TIAM1: variants seen among roughly 807,000 people sequenced by gnomAD.
The protein encoded by TIAM1 is rho guanine nucleotide exchange factor TIAM1.
A neutral mutation model predicts 163.5 loss-of-function variants in TIAM1; 65 were observed. The observed-to-expected ratio is 0.40, with a 90% CI of 0.33 to 0.49. The LOEUF is 0.49. TIAM1 is among the 20% of genes least tolerant of loss of function. The pLI, the probability that TIAM1 is intolerant of heterozygous loss-of-function variation, is 0.77. For missense variants in TIAM1, 1,789 were observed against 2,044.7 expected (o/e 0.87, Z 2.41); for synonymous variants, 833 against 810.1 (o/e 1.03, Z -0.48).
chr21:31,229,951 C>G (rs959269864), intron 6 of TIAM1, among the ~76,000 whole-genome samples: 1 of 152,180 alleles, frequency 6.6e-6, no homozygotes, highest in Non-Finnish European at 1.5e-5. Context: ...CCGCGCCCGG[C>G]CATCTTCACC....
intron 10 of TIAM1, among the ~76,000 whole-genome samples, chr21:31,210,729 G>GAA (rs1184745854): frequency 4.4e-5 from 4 of 90,870 alleles, no homozygotes; most frequent in African/African-American, 2.7e-4. Context: ...AAGAAAGAAA[G>GAA]AGAAAGAAGG....
intron 2 of TIAM1, among the ~76,000 whole-genome samples, chr21:31,408,517 T>G (rs941114560): frequency 3.9e-5 from 6 of 152,170 alleles, no homozygotes; most frequent in African/African-American, 1.4e-4. Context: ...CTGTTTATAG[T>G]GAATAAATTC....
intron 16 of TIAM1, 114 bp from the exon 17 acceptor site, chr21:31,154,540 T>C (rs1375066578): frequency 9.4e-7 from 1 of 1,065,002 alleles, no homozygotes. Context: ...CACATATGAA[T>C]GTCGTCTTGT....
rs144592545 is a variant in TIAM1 at position 31,376,611 on chromosome 21, C to T, written c.-368-37189G>A. On this transcript the variant is annotated intron_variant, in intron 2 of 28. Coordinates refer to the TIAM1 transcript ENST00000286827. ...CAGCAGAGGGAGGAGGAGATGCCCACTGAAAGGACTTGTGGGTGATGGAGG... is the reference window on the plus strand; with the variant it reads ...CAGCAGAGGGAGGAGGAGATGCCCATTGAAAGGACTTGTGGGTGATGGAGG... 1.6e-3 allele frequency among the ~76,000 whole-genome samples: 236 copies of T among 152,228 alleles called. 1 individual carries two copies. The highest frequency in any genetic ancestry group is 5.5e-3 in the African/African-American group (228 of 41,528).
At chr21:31,492,671 C>G (rs2046507463) in intron 1 of TIAM1, among the ~76,000 whole-genome samples, 1 of 152,060 alleles carries the variant, frequency 6.6e-6, no homozygotes, top group South Asian at 2.1e-4. Context: ...CCCCGACCAC[C>G]TTGGGCACAG....
At chr21:31,477,985 C>T (rs1417838733) in intron 1 of TIAM1, among the ~76,000 whole-genome samples, 1 of 152,182 alleles carries the variant, frequency 6.6e-6, no homozygotes, top group African/African-American at 2.4e-5. Flanking sequence ...TGAATTACCA[C>T]TGGGAGTACA....
At chr21:31,179,899 C>G (rs2084933777) in intron 15 of TIAM1, among the ~76,000 whole-genome samples, 1 of 148,080 alleles carries the variant, frequency 6.8e-6, no homozygotes, top group African/African-American at 2.5e-5. Context: ...TATACATACA[C>G]AGATTTTTTT....
chr21:31,426,692 T>G (rs1163742491), intron 2 of TIAM1, among the ~76,000 whole-genome samples: 1 of 151,472 alleles, frequency 6.6e-6, no homozygotes, highest in African/African-American at 2.4e-5. Flanking sequence ...CATAGCACGG[T>G]TTTTTTCAAC....
At chr21:31,440,467 C>A (rs562155338) in intron 2 of TIAM1, among the ~76,000 whole-genome samples, 2 of 152,130 alleles carry the variant, frequency 1.3e-5, no homozygotes, top group Admixed American at 6.5e-5. Flanking sequence ...AATTCTTGGC[C>A]TTTAAAAAAA....
chr21:31,368,335 A>C (rs1017773447), intron 2 of TIAM1, among the ~76,000 whole-genome samples: 1 of 151,904 alleles, frequency 6.6e-6, no homozygotes, highest in Non-Finnish European at 1.5e-5. Context: ...ACGCTTTCTT[A>C]ATAACCTTTT....
intron 1 of TIAM1, among the ~76,000 whole-genome samples, chr21:31,551,991 G>A (rs1371395110): frequency 2.0e-5 from 3 of 149,976 alleles, no homozygotes; most frequent in Non-Finnish European, 4.4e-5. Flanking sequence ...TACTTTTCAA[G>A]AGAAGCGCAT....
intron 2 of TIAM1, among the ~76,000 whole-genome samples, chr21:31,315,900 C>CCGGGAGGCGGACG (rs1364215708): frequency 6.6e-6 from 1 of 152,036 alleles, no homozygotes; most frequent in Non-Finnish European, 1.5e-5. Flanking sequence ...TCACTTGAAC[C>CCGGGAGGCGGACG]TGGGAGGCGG....
At chr21:31,292,053 G>A (rs1465008543) in intron 2 of TIAM1, among the ~76,000 whole-genome samples, 5 of 152,134 alleles carry the variant, frequency 3.3e-5, no homozygotes, top group Admixed American at 3.3e-4. Flanking sequence ...CTTAGGATCT[G>A]AGAGACCTGA....
At chr21:31,201,237 G>T (rs2086184735) in intron 12 of TIAM1, among the ~76,000 whole-genome samples, 1 of 152,136 alleles carries the variant, frequency 6.6e-6, no homozygotes, top group South Asian at 2.1e-4. Context: ...TAAGAAAAAA[G>T]GGTTTTCTTT....
In TIAM1 at chr21:31,120,512, A is replaced by G; in HGVS notation, c.4632T>C (p.Asp1544=). 6.2e-7 allele frequency: 1 copy of G among 1,614,148 alleles called. No homozygotes were observed. The highest frequency in any genetic ancestry group is 8.5e-7 in the Non-Finnish European group (1 of 1,180,032). Residue 1544 remains aspartate (D), a synonymous_variant, in exon 28 of 28, where the codon GAT becomes GAC. Coordinates refer to ENST00000541036, the MANE Select transcript of TIAM1 (RefSeq NM_001353694.2). The surrounding 1 kb of genome is among the most constrained non-coding windows in gnomAD (Gnocchi z 4.2). ...GCTGTGCCATGCGGGACGCGTGACTATCCAGGGTTTTCCGGCCTCTTTCCC... is the reference window on the plus strand; with the variant it reads ...GCTGTGCCATGCGGGACGCGTGACTGTCCAGGGTTTTCCGGCCTCTTTCCC... ...SQRERGRKTL[D]SHASRMAQLK...
intron 2 of TIAM1, among the ~76,000 whole-genome samples, chr21:31,430,231 T>TACACACAC (rs1415864666): frequency 8.5e-6 from 1 of 117,162 alleles, no homozygotes; most frequent in African/African-American, 4.6e-5. Context: ...AAAAAATATA[T>TACACACAC]ATATATATAT....
At chr21:31,440,400 C>T (rs1200371571) in intron 2 of TIAM1, among the ~76,000 whole-genome samples, 1 of 152,188 alleles carries the variant, frequency 6.6e-6, no homozygotes, top group East Asian at 1.9e-4. Flanking sequence ...ACACTGCTGA[C>T]TCCCCCAGTC....
chr21:31,235,416 T>A (rs147738060), intron 6 of TIAM1, among the ~76,000 whole-genome samples: 104 of 152,352 alleles, frequency 6.8e-4, no homozygotes, highest in African/African-American at 2.5e-3. Flanking sequence ...ATCCTAAATG[T>A]TCATATACCT....
chr21:31,475,788 T>G (rs2045918190), intron 1 of TIAM1, among the ~76,000 whole-genome samples: 1 of 152,228 alleles, frequency 6.6e-6, no homozygotes, highest in Admixed American at 6.5e-5. Context: ...CGAAACGATC[T>G]TGGCCTGGAG....
Sources: gnomAD v4.1 joint callset for allele counts (sites outside exome capture counted in the v4.1 genomes callset) on GRCh38, gnomAD v4.1.1 for gene constraint, Gnocchi (gnomAD v3.1) non-coding constraint, MANE v1.5 for transcripts, NCBI Gene and HGNC (gene_info 2026-07-23, HGNC 2026-07-21) for gene names.